The following MTMR14 variants were observed in gnomAD, a reference collection of about 807,000 sequenced individuals.
MTMR14 encodes myotubularin related protein 14.
In MTMR14, 48 loss-of-function variants were observed where a neutral mutation model predicts 86.3. The observed-to-expected ratio is 0.56, with a 90% CI of 0.44 to 0.71. The LOEUF is 0.71. Ranked by LOEUF, MTMR14 falls within the 30% of genes least tolerant of loss-of-function variation. The pLI, the probability that MTMR14 is intolerant of heterozygous loss-of-function variation, is 0.00. For synonymous variants in MTMR14, 366 were observed against 326.1 expected (o/e 1.12, Z -1.32); for missense variants, 780 against 834.6 (o/e 0.93, Z 0.81).
chr3:9,698,045 G>A (rs538616480), intron 18 of MTMR14, among the ~76,000 whole-genome samples, 179 bp downstream of exon 18: 76 of 152,382 alleles, frequency 5.0e-4, no homozygotes, highest in African/African-American at 1.7e-3. Context: ...GTCAGGAAGT[G>A]CACTGGTTTG....
intron 2 of MTMR14, among the ~76,000 whole-genome samples, chr3:9,660,365 TCTC>T (rs1396377046): frequency 2.0e-5 from 3 of 152,062 alleles, no homozygotes; most frequent in African/African-American, 4.8e-5. Flanking sequence ...TTCAAGCAGT[TCTC>T]CTGCCTCAGC....
At chr3:9,674,617 C>G (rs1398151419) in intron 7 of MTMR14, among the ~76,000 whole-genome samples, 1 of 151,854 alleles carries the variant, frequency 6.6e-6, no homozygotes, top group Non-Finnish European at 1.5e-5. Flanking sequence ...GACACTCTGT[C>G]TCTACCAAAA....
chr3:9,684,990 T>G (rs2075890426), intron 12 of MTMR14, 26 bp downstream of exon 12: 9 of 1,608,040 alleles, frequency 5.6e-6, no homozygotes, highest in Non-Finnish European at 7.7e-6. Context: ...AGTTGGGTTT[T>G]GGGGCCTTAG....
intron 2 of MTMR14, chr3:9,659,773 C>G (rs992323432): frequency 2.2e-6 from 1 of 456,652 alleles, no homozygotes; most frequent in Admixed American, 2.3e-5. Flanking sequence ...TGTAGGGGAA[C>G]CGGTAAAGGA....
At chr3:9,657,044 C>T (rs1187367927) in intron 2 of MTMR14, among the ~76,000 whole-genome samples, 4 of 152,126 alleles carry the variant, frequency 2.6e-5, no homozygotes, top group Non-Finnish European at 5.9e-5. Flanking sequence ...TCCCAAGTAG[C>T]TGGGAATATG....
At position 9,689,031 on chromosome 3, in the gene MTMR14, C is replaced by T. The variant is rs755617008; in HGVS notation, c.1382C>T (p.Thr461Ile). The T allele has an allele frequency of 1.7e-5, 27 of 1,613,702 alleles. No homozygotes were observed. Among genetic ancestry groups the T allele is most frequent in the Non-Finnish European group, 2.2e-5 (26 of 1,180,044 alleles). Residue 461 changes from threonine to isoleucine, a missense_variant, in exon 16 of 19, where the codon ACC (threonine) becomes ATC (isoleucine). Coordinates refer to ENST00000296003, the MANE Select transcript of MTMR14 (RefSeq NM_001077525.3). ...TCCCCAGGAGCCACTGGGAGCTTCA[C>T]CTATGAGGCCGTGGAGCTGGTCCCA... ...ESSPGATGSF[T>I]YEAVELVPAG...
At chr3:9,657,321 T>G (rs1473476935) in intron 2 of MTMR14, among the ~76,000 whole-genome samples, 2 of 152,322 alleles carry the variant, frequency 1.3e-5, no homozygotes, top group African/African-American at 4.8e-5. Flanking sequence ...TCTAACAAGC[T>G]CTCAGGTAAT....
intron 3 of MTMR14, among the ~76,000 whole-genome samples, chr3:9,665,242 A>G (rs1390369830): frequency 1.3e-5 from 2 of 148,438 alleles, no homozygotes; most frequent in East Asian, 2.0e-4. Context: ...AGATCGTGCC[A>G]TTGCACTCCA....
intron 7 of MTMR14, chr3:9,675,535 C>G (rs1415897937): frequency 4.4e-6 from 2 of 456,424 alleles, no homozygotes; most frequent in Non-Finnish European, 8.8e-6. Context: ...GGGATCGTTT[C>G]TTTCAGCACA....
intron 2 of MTMR14, among the ~76,000 whole-genome samples, chr3:9,657,855 A>C (rs1296985639): frequency 6.6e-6 from 1 of 151,652 alleles, no homozygotes; most frequent in East Asian, 1.9e-4. Flanking sequence ...GGCCCTCACC[A>C]CTCTTTTATA....
At chr3:9,663,501 C>CTCT (rs2048061386) in intron 3 of MTMR14, among the ~76,000 whole-genome samples, 4 of 69,966 alleles carry the variant, frequency 5.7e-5, no homozygotes, top group African/African-American at 1.4e-4. Context: ...GAGTCTCTCT[C>CTCT]TTTTTTTTTT....
intron 7 of MTMR14, 62 bp downstream of exon 7, chr3:9,672,820 A>G: frequency 6.7e-7 from 1 of 1,482,376 alleles, no homozygotes; most frequent in Non-Finnish European, 9.4e-7. Context: ...GCCATGAGCA[A>G]GCCCTCTCTA....
intron 9 of MTMR14, among the ~76,000 whole-genome samples, chr3:9,679,601 C>T (rs1429869142): frequency 6.6e-6 from 1 of 152,156 alleles, no homozygotes; most frequent in Non-Finnish European, 1.5e-5. Context: ...TAGATGCAGG[C>T]CCTAGATCTA....
rs1352786235 is a variant in MTMR14, at chr3:9,678,006, G to A, written c.845G>A (p.Ser282Asn). The change falls in exon 9 of 19, where the codon AGC becomes AAC. Residue 282 changes from serine to asparagine, a missense_variant. Physicochemically the swap from Ser to Asn is conservative, Grantham distance 46 (BLOSUM62 1). Transcript: ENST00000296003. ...WKQDYVDAPL[S>N]IPDFLTHSLN... ...CAGGACTACGTTGATGCCCCATTGA[G>A]CATCCCCGACTTCCTGACTCACTCT... The A allele has an allele frequency of 6.8e-6, 11 of 1,613,932 alleles. No homozygotes were observed. Among genetic ancestry groups the A allele is most frequent in the Non-Finnish European group, 9.3e-6 (11 of 1,179,986 alleles).
intron 6 of MTMR14, among the ~76,000 whole-genome samples, chr3:9,671,625 A>G (rs1043388338): frequency 2.0e-5 from 3 of 152,322 alleles, no homozygotes; most frequent in South Asian, 2.1e-4. Context: ...TGCTGGGATT[A>G]CAAGAATGAG....
In MTMR14 at chr3:9,684,629, A is replaced by G. The variant is rs1559600886; in HGVS notation, c.1009A>G (p.Thr337Ala). The G allele has an allele frequency of 6.2e-7, 1 of 1,612,392 alleles. No homozygotes were observed. The highest frequency in any genetic ancestry group is 8.5e-7 in the Non-Finnish European group (1 of 1,179,564). Residue 337 changes from threonine to alanine, a missense_variant, in exon 11 of 19, where the codon ACC (threonine) becomes GCC (alanine). Thr to Ala is a moderately conservative substitution (Grantham distance 58). Transcript: ENST00000296003. ...ACACTGTATCTCAGGCTGGGATCGG[A>G]CCCCCCTCTTCATCTCCCTCCTGCG... ...LVHCISGWDRTPLFISLLRLS... is the reference protein window; with the variant it reads ...LVHCISGWDRAPLFISLLRLS...
intron 15 of MTMR14, 36 bp downstream of exon 15, chr3:9,688,790 A>G (rs2125314228): frequency 6.2e-7 from 1 of 1,613,028 alleles, no homozygotes; most frequent in Non-Finnish European, 8.5e-7. Flanking sequence ...CCCTTCCTCC[A>G]TACATCTTCC....
chr3:9,672,713 GC>G lies in MTMR14; in HGVS notation c.709del (p.Gln237SerfsTer45). 1 of 1,614,174 alleles carries G rather than the reference GC, an allele frequency of 6.2e-7. No individual in the cohort carries two copies. Among genetic ancestry groups the G allele is most frequent in the Non-Finnish European group, 8.5e-7 (1 of 1,180,024 alleles). ...AACCTCCTCTGAGAAGGTGGACAAA[GC>G]CCAGCGCTATGCCGACTTCACTCTC... ...NVTSSEKVDK[A>X]QRYADFTLLS... On this transcript the variant is annotated frameshift_variant, in exon 7 of 19. Coordinates refer to ENST00000296003, the MANE Select transcript of MTMR14 (RefSeq NM_001077525.3). LOFTEE classifies it high-confidence loss of function.
intron 2 of MTMR14, among the ~76,000 whole-genome samples, chr3:9,659,431 A>C (rs540005996): frequency 6.6e-6 from 1 of 151,528 alleles, no homozygotes; most frequent in East Asian, 1.9e-4. Context: ...AGAGAACAGA[A>C]ACTGAATTGG....
Sources: allele counts gnomAD v4.1 joint callset (sites outside exome capture counted in the v4.1 genomes callset), GRCh38; gene constraint gnomAD v4.1.1; transcripts MANE v1.5; gene names NCBI Gene and HGNC (gene_info 2026-07-23, HGNC 2026-07-21).